The following FAM222B variants were observed in gnomAD, a reference collection of about 807,000 sequenced individuals.
FAM222B encodes the protein family with sequence similarity 222 member B.
FAM222B carries 12 observed loss-of-function variants against 38.0 expected under a neutral mutation model. The observed-to-expected ratio is 0.32, with a 90% confidence interval of 0.20 to 0.51. FAM222B has a LOEUF of 0.51. Among genes scored for constraint, FAM222B ranks in the 20% least tolerant of loss-of-function variants. The pLI is 0.97. For synonymous variants in FAM222B, 329 were observed against 317.2 expected (o/e 1.04, Z -0.40); for missense variants, 716 against 754.2 (o/e 0.95, Z 0.59).
chr17:28,831,618 T>C (rs962079133), intron 1 of FAM222B, among the ~76,000 whole-genome samples: 2 of 150,814 alleles, frequency 1.3e-5, no homozygotes, highest in African/African-American at 2.4e-5. Context: ...GCAATCCTAC[T>C]GCCTCAGCCT....
chr17:28,845,557 G>A (rs951808730), upstream of FAM222B, among the ~76,000 whole-genome samples: 30 of 151,216 alleles, frequency 2.0e-4, no homozygotes, highest in African/African-American at 6.1e-4. Flanking sequence ...CAGCCTTGGC[G>A]ACAGAGCGAG....
chr17:28,853,193 C>CAA (rs71359260), intron 1 of FAM222B, among the ~76,000 whole-genome samples: 18 of 112,206 alleles, frequency 1.6e-4, no homozygotes, highest in South Asian at 2.7e-4. Flanking sequence ...AACTCTGTCT[C>CAA]AAAAAAAAAA....
intron 1 of FAM222B, among the ~76,000 whole-genome samples, chr17:28,801,150 C>T (rs2037201312): frequency 7.2e-6 from 1 of 139,382 alleles, no homozygotes; most frequent in Non-Finnish European, 1.5e-5. Flanking sequence ...GAGCGAGACT[C>T]CGTCTCAAAG....
intron 1 of FAM222B, among the ~76,000 whole-genome samples, chr17:28,826,789 G>A (rs191303365): frequency 6.0e-4 from 91 of 151,912 alleles, no homozygotes; most frequent in Admixed American, 5.4e-3. Context: ...TACTGCCAAT[G>A]CTGAAAACAT....
At chr17:28,814,480 G>A (rs538186695) in intron 1 of FAM222B, among the ~76,000 whole-genome samples, 2 of 152,150 alleles carry the variant, frequency 1.3e-5, no homozygotes, top group East Asian at 1.9e-4. Flanking sequence ...TTTTTGAGAC[G>A]GAGTTTCGCT....
chr17:28,854,890 A>C (rs1202941264), intron 1 of FAM222B: 1 of 833,028 alleles, frequency 1.2e-6, no homozygotes, highest in Non-Finnish European at 1.8e-6. Context: ...CAGTCTCCAG[A>C]GCAATTCCTC....
At chr17:28,814,829 A>C (rs1287012379) in intron 1 of FAM222B, among the ~76,000 whole-genome samples, 1 of 144,868 alleles carries the variant, frequency 6.9e-6, no homozygotes, top group African/African-American at 2.6e-5. Flanking sequence ...GCTGGAGTGC[A>C]ACAGCACAAT....
intron 1 of FAM222B, chr17:28,834,238 T>C (rs2038763742): frequency 6.6e-6 from 1 of 152,222 alleles, no homozygotes; most frequent in Non-Finnish European, 1.5e-5. Context: ...GTCTAACTTC[T>C]ATACTGTCAA....
intron 1 of FAM222B, among the ~76,000 whole-genome samples, chr17:28,827,655 T>A (rs1277372055): frequency 6.6e-6 from 1 of 152,022 alleles, no homozygotes; most frequent in Non-Finnish European, 1.5e-5. Context: ...ATTAGGAGAG[T>A]CTTAGTTATG....
At chr17:28,773,703 C>G (rs2035749651) in intron 1 of FAM222B, among the ~76,000 whole-genome samples, 1 of 151,684 alleles carries the variant, frequency 6.6e-6, no homozygotes, top group Non-Finnish European at 1.5e-5. Context: ...GAGGCTGAGG[C>G]AGGAGAATCA....
At chr17:28,786,499 T>C (rs1292712864) in intron 1 of FAM222B, among the ~76,000 whole-genome samples, 2 of 152,182 alleles carry the variant, frequency 1.3e-5, no homozygotes, top group Non-Finnish European at 2.9e-5. Context: ...CAGAAAACCC[T>C]TCCCCTTGTA....
chr17:28,798,340 C>T (rs1352151714), intron 1 of FAM222B, among the ~76,000 whole-genome samples: 1 of 152,104 alleles, frequency 6.6e-6, no homozygotes, highest in Non-Finnish European at 1.5e-5. Context: ...CAAGATCATG[C>T]CACTGCACTC....
At position 28,789,285 on chromosome 17, in the gene FAM222B, A is replaced by T. The variant is rs985324993; in HGVS notation, c.-40-22578T>A. Among the ~76,000 whole-genome samples, 4 of 148,134 alleles carry T rather than the reference A, an allele frequency of 2.7e-5. No homozygotes were observed. In the East Asian group the frequency reaches 8.0e-4, roughly 29 times the overall value. ...GGAATCTCAGCTCATTGCAACCTCTACCTCCTGGGTTCAAGCAACTCTCTG... is the reference window on the plus strand; with the variant it reads ...GGAATCTCAGCTCATTGCAACCTCTTCCTCCTGGGTTCAAGCAACTCTCTG... On this transcript the variant is annotated intron_variant, in intron 1 of 2. Coordinates refer to ENST00000581407, the MANE Select transcript of FAM222B (RefSeq NM_001077498.3).
chr17:28,849,699 A>G (rs1010903817), intron 1 of FAM222B: 19 of 152,076 alleles, frequency 1.2e-4, no homozygotes, highest in African/African-American at 4.6e-4. Context: ...AGAAGAAGAA[A>G]AAAAATCACT....
At chr17:28,850,026 G>A (rs1449384805) in intron 1 of FAM222B, among the ~76,000 whole-genome samples, 1 of 152,084 alleles carries the variant, frequency 6.6e-6, no homozygotes. Flanking sequence ...AGAGGTTGCA[G>A]TGAGCCGAGG....
rs537222188 is a variant in FAM222B at position 28,832,145 on chromosome 17, G to A, written c.-41+10537C>T. ...GCGGAGCTTGCCGTGAGCCGAGATCGCGCCACTGCACTCCAGCCTGGGCAA... is the reference window on the plus strand; with the variant it reads ...GCGGAGCTTGCCGTGAGCCGAGATCACGCCACTGCACTCCAGCCTGGGCAA... On this transcript the variant is annotated intron_variant, in intron 1 of 2. Coordinates refer to ENST00000581407, the MANE Select transcript of FAM222B (RefSeq NM_001077498.3). Among the ~76,000 whole-genome samples the A allele has an allele frequency of 1.8e-4, 27 of 152,028 alleles. No individual in the cohort carries two copies. The South Asian group carries it at 2.3e-3, about 13-fold the overall frequency.
At chr17:28,806,133 C>A (rs2037487799) in intron 1 of FAM222B, among the ~76,000 whole-genome samples, 1 of 150,804 alleles carries the variant, frequency 6.6e-6, no homozygotes, top group Non-Finnish European at 1.5e-5. Context: ...ACCTAGGCAA[C>A]AAGAGTGAAA....
intron 1 of FAM222B, among the ~76,000 whole-genome samples, chr17:28,814,993 C>G (rs889429845): frequency 1.3e-5 from 2 of 150,616 alleles, no homozygotes; most frequent in African/African-American, 4.9e-5. Flanking sequence ...AGGCTGATCT[C>G]GAACTCCAGA....
At chr17:28,801,247 A>C (rs1255189298) in intron 1 of FAM222B, among the ~76,000 whole-genome samples, 1 of 148,832 alleles carries the variant, frequency 6.7e-6, no homozygotes, top group South Asian at 2.1e-4. Context: ...AGGTCAGGAG[A>C]TCGAGACCAT....
Sources: gnomAD v4.1 joint callset for allele counts (sites outside exome capture counted in the v4.1 genomes callset) on GRCh38, gnomAD v4.1.1 for gene constraint, MANE v1.5 for transcripts, NCBI Gene and HGNC (gene_info 2026-07-23, HGNC 2026-07-21) for gene names.